Variants in PATZ1 observed in about 807,000 individuals in gnomAD.
PATZ1 encodes POZ-, AT hook-, and zinc finger-containing protein 1.
PATZ1 carries 9 observed loss-of-function variants against 46.2 expected under a neutral mutation model. The observed-to-expected ratio is 0.19, with a 90% confidence interval of 0.12 to 0.34. The LOEUF is 0.34. PATZ1 is among the 10% of genes least tolerant of loss of function. The pLI is 1.00. For missense variants in PATZ1, 632 were observed against 923.0 expected (o/e 0.68, Z 4.08); for synonymous variants, 426 against 378.6 (o/e 1.13, Z -1.45).
chr22:31,343,198 GC>G, intron 1 of PATZ1: 1 of 1,271,826 alleles, frequency 7.9e-7, no homozygotes. Flanking sequence ...CTCTGATTTT[GC>G]CTCCCCACTC....
chr22:31,328,870 G>T lies in PATZ1; in HGVS notation c.1562C>A (p.Pro521His). 6.2e-7 allele frequency: 1 copy of T among 1,614,058 alleles called. No individual in the cohort carries two copies. The change falls in exon 4 of 5, where the codon CCC (proline) becomes CAC (histidine). Residue 521 changes from proline to histidine, a missense_variant. Pro to His is a moderately conservative substitution (Grantham distance 77, BLOSUM62 -2). This residue lies in a region of PATZ1 where 176 missense variants were observed against 249.4 expected (regional missense o/e 0.71). Coordinates refer to ENST00000266269, the MANE Select transcript of PATZ1 (RefSeq NM_014323.3). This position sits in a 1 kb window ranked among gnomAD's most constrained non-coding sequence, Gnocchi z 4.8. ...KVHVKTHHGV[P>H]LPQVSRHQEP... ...CTGGTGCCTGGAGACCTGGGGAAGG[G>T]GAACACCGTGGTGGGTTTTAACATG...
At chr22:31,342,804 G>C in intron 2 of PATZ1, 93 bp downstream of exon 2, 1 of 1,410,966 alleles carries the variant, frequency 7.1e-7, no homozygotes, top group Non-Finnish European at 9.9e-7. Flanking sequence ...CGGTCAGCCG[G>C]GCCCCCGGCA....
intron 2 of PATZ1, chr22:31,340,891 A>C: frequency 3.8e-6 from 4 of 1,064,912 alleles, no homozygotes; most frequent in Non-Finnish European, 4.6e-6. Context: ...AGTCTACTTC[A>C]CTAGCCAGAA....
At position 31,328,894 on chromosome 22, in the gene PATZ1, T is replaced by G; in HGVS notation, c.1538A>C (p.His513Pro). ...GGGAACACCGTGGTGGGTTTTAACA[T>G]GGACCTTTAAGTAGGAGGCAGAGGA... ...GFSSASYLKV[H>P]VKTHHGVPLP... Residue 513 changes from histidine to proline, a missense_variant, in exon 4 of 5, where the codon CAT (histidine) becomes CCT (proline). By Grantham distance (77) the His-to-Pro change is moderately conservative (BLOSUM62 -2). Coordinates refer to ENST00000266269, the MANE Select transcript of PATZ1 (RefSeq NM_014323.3). The surrounding 1 kb of genome is among the most constrained non-coding windows in gnomAD (Gnocchi z 4.8). 6.2e-6 allele frequency: 10 copies of G among 1,614,140 alleles called. No individual in the cohort carries two copies. Among genetic ancestry groups the G allele is most frequent in the Non-Finnish European group, 8.5e-6 (10 of 1,180,010 alleles).
Position 31,345,094 on chromosome 22 carries a change from G to C in PATZ1, c.509C>G (p.Ala170Gly). The C allele has an allele frequency of 1.2e-6, 2 of 1,614,216 alleles. No individual in the cohort carries two copies. Among genetic ancestry groups the C allele is most frequent in the Non-Finnish European group, 1.7e-6 (2 of 1,180,044 alleles). ...AGGGGGGCGAAAGAGCATTATATCG[G>C]CGCGGGCAGGGGGTACCAGGATCTG... ...NVQILVPPAR[A>G]DIMLFRPPGT... The change falls in exon 1 of 5, where the codon GCC becomes GGC. Residue 170 changes from alanine (A) to glycine (G), a missense_variant. Ala to Gly is a moderately conservative substitution (Grantham distance 60, BLOSUM62 0). Transcript: ENST00000266269. This position sits in a 1 kb window ranked among gnomAD's most constrained non-coding sequence, Gnocchi z 7.4.
chr22:31,343,235 AGTG>A (rs1035115314), intron 1 of PATZ1: 21 of 1,201,380 alleles, frequency 1.7e-5, no homozygotes, highest in Non-Finnish European at 2.1e-5. Flanking sequence ...CCAGAAACTC[AGTG>A]TTTTCTAGGA....
chr22:31,343,863 G>A (rs2049613360), intron 1 of PATZ1, among the ~76,000 whole-genome samples: 1 of 152,204 alleles, frequency 6.6e-6, no homozygotes, highest in Non-Finnish European at 1.5e-5. Flanking sequence ...GGAGTCTACT[G>A]ATCAGGATGG....
chr22:31,336,395 CAG>C (rs2049509391), intron 2 of PATZ1, among the ~76,000 whole-genome samples: 1 of 152,132 alleles, frequency 6.6e-6, no homozygotes, highest in Admixed American at 6.5e-5. Flanking sequence ...GGACAAAGTG[CAG>C]AGATAATTAT....
Position 31,344,273 on chromosome 22 carries a change from G to T in PATZ1, c.1271+59C>A, listed in dbSNP as rs911115817. ...ATCCCACACCCCCAGATCTTGGCAG[G>T]AGCCTTTTCAGGACTAAGATAACGT... is the stretch of plus-strand genomic sequence containing the variant. On this transcript the variant is annotated intron_variant, in intron 1 of 4. Transcript: ENST00000266269. 7 of 1,450,236 alleles carry T rather than the reference G, an allele frequency of 4.8e-6. 1 individual carries two copies. Among genetic ancestry groups the T allele is most frequent in the East Asian group, 4.6e-5 (2 of 43,914 alleles). The allele number at this position is 1,450,236 out of a possible 1,614,324, so 89.8% of individuals were successfully genotyped here. A position where few individuals can be genotyped will look rare whatever the true frequency, so the allele number is the denominator to read the frequency against.
At chr22:31,341,881 C>G (rs1371555776) in intron 2 of PATZ1, among the ~76,000 whole-genome samples, 1 of 152,184 alleles carries the variant, frequency 6.6e-6, no homozygotes, top group Admixed American at 6.5e-5. Flanking sequence ...CACCCTGGGT[C>G]ATCCTCCAGG....
intron 2 of PATZ1, among the ~76,000 whole-genome samples, chr22:31,339,927 T>C (rs1384989981): frequency 2.0e-5 from 3 of 152,158 alleles, no homozygotes; most frequent in Non-Finnish European, 4.4e-5. Context: ...AGCAGCTTTC[T>C]CCCACAGCCC....
chr22:31,340,769 G>T (rs746409671), intron 2 of PATZ1: 3 of 1,055,466 alleles, frequency 2.8e-6, no homozygotes, highest in Non-Finnish European at 3.4e-6. Flanking sequence ...GAGGGAGGGG[G>T]TCTACATCTG....
chr22:31,328,781 G>A lies in PATZ1; in HGVS notation c.1645+6C>T. On this transcript the variant is annotated splice_donor_region_variant and intron_variant, in intron 4 of 4. Transcript: ENST00000266269. The surrounding 1 kb of genome is among the most constrained non-coding windows in gnomAD (Gnocchi z 4.8). Reference sequence around the variant, plus strand: ...GAAGCAAAGTGCAGAGCAAGGGGTCGCTTGCCTTTGTTGCCATAGGTCCTG... The same window carrying A: ...GAAGCAAAGTGCAGAGCAAGGGGTCACTTGCCTTTGTTGCCATAGGTCCTG... 1.9e-6 allele frequency: 3 copies of A among 1,611,724 alleles called. No homozygotes were observed. The highest frequency in any genetic ancestry group is 2.5e-6 in the Non-Finnish European group (3 of 1,179,024).
rs961006224 is a variant in PATZ1, at chr22:31,345,750, G to T, written c.-148C>A. 13 of 770,530 alleles carry T rather than the reference G, an allele frequency of 1.7e-5. No individual in the cohort carries two copies. Among genetic ancestry groups the T allele is most frequent in the Non-Finnish European group, 2.4e-5 (12 of 497,742 alleles). 47.7% of individuals were successfully genotyped at this position (770,530 alleles called of 1,614,324 possible). A position where few individuals can be genotyped will look rare whatever the true frequency, so the allele number is the denominator to read the frequency against. Reference sequence around the variant, plus strand: ...CTGTAGTCTCGCAGGTGCGCCGAGTGTACACGCCCCCAGCCCGGATCAGAC... The same window carrying T: ...CTGTAGTCTCGCAGGTGCGCCGAGTTTACACGCCCCCAGCCCGGATCAGAC... On this transcript the variant is annotated 5_prime_UTR_variant, in exon 1 of 5. Coordinates refer to ENST00000266269, the MANE Select transcript of PATZ1 (RefSeq NM_014323.3). The surrounding 1 kb of genome is among the most constrained non-coding windows in gnomAD (Gnocchi z 7.4).
chr22:31,342,088 A>T (rs2049589782), intron 2 of PATZ1, among the ~76,000 whole-genome samples: 1 of 152,052 alleles, frequency 6.6e-6, no homozygotes, highest in Non-Finnish European at 1.5e-5. Flanking sequence ...CCCTCACTTG[A>T]TGGGAACTTG....
At chr22:31,330,600 C>A (rs929652578) in intron 3 of PATZ1, among the ~76,000 whole-genome samples, 1 of 152,220 alleles carries the variant, frequency 6.6e-6, no homozygotes, top group African/African-American at 2.4e-5. Context: ...GCCACCAGAA[C>A]TTGGCCCTTA....
chr22:31,335,507 A>G, intron 3 of PATZ1, 185 bp downstream of exon 3: 1 of 585,200 alleles, frequency 1.7e-6, no homozygotes, highest in South Asian at 2.4e-5. Context: ...AAGCACCCCA[A>G]GCTTCTTGGG....
In PATZ1 at chr22:31,345,156, G is replaced by A. The variant is rs370046845; in HGVS notation, c.447C>T (p.Ile149=). The part of the protein sequence containing the change: ...AAKFLLMRSV[I]EICQEVIKQS... ...GTTTGATGACTTCCTGGCAGATCTC[G>A]ATAACCGACCTCATCAGCAGGAACT... The change falls in exon 1 of 5, where the codon ATC becomes ATT. Residue 149 remains isoleucine, a synonymous_variant. Coordinates refer to ENST00000266269, the MANE Select transcript of PATZ1 (RefSeq NM_014323.3). The surrounding 1 kb of genome is among the most constrained non-coding windows in gnomAD (Gnocchi z 7.4). The A allele has an allele frequency of 6.2e-7, 1 of 1,614,204 alleles. No individual in the cohort carries two copies. Among genetic ancestry groups the A allele is most frequent in the Non-Finnish European group, 8.5e-7 (1 of 1,180,032 alleles).
In PATZ1 at chr22:31,326,598, T is replaced by G. The variant is rs977811178; in HGVS notation, c.*293A>C. 2.9e-6 allele frequency: 1 copy of G among 339,818 alleles called. No homozygotes were observed. Among genetic ancestry groups the G allele is most frequent in the Non-Finnish European group, 5.4e-6 (1 of 186,208 alleles). 21.1% of individuals were successfully genotyped at this position (339,818 alleles called of 1,614,324 possible). ...GAATTGAGCACCAGGAATTCCAGCT[T>G]CTTCCCATTAAAGAAACTGGGACTG... On this transcript the variant is annotated 3_prime_UTR_variant, in exon 5 of 5. Coordinates refer to ENST00000266269, the MANE Select transcript of PATZ1 (RefSeq NM_014323.3).
Sources: allele counts gnomAD v4.1 joint callset (sites outside exome capture counted in the v4.1 genomes callset), GRCh38; gene constraint gnomAD v4.1.1; regional missense constraint gnomAD v4.1.1; non-coding constraint Gnocchi (gnomAD v3.1); transcripts MANE v1.5; gene names NCBI Gene and HGNC (gene_info 2026-07-23, HGNC 2026-07-21).